The following GRB2 variants were observed in gnomAD, a reference collection of about 807,000 sequenced individuals.
GRB2 encodes growth factor receptor-bound protein 2.
Under a neutral mutation model 27.4 loss-of-function variants are expected in GRB2, and 2 were observed. The ratio of observed to expected loss-of-function variants is 0.07; its 90% CI spans 0.03 to 0.23. The LOEUF (loss-of-function observed/expected upper bound fraction) is 0.23, where lower values mean the gene tolerates loss of function less well. Ranked by LOEUF, GRB2 falls within the 10% of genes least tolerant of loss-of-function variation. The pLI is 1.00. For synonymous variants in GRB2, 94 were observed against 99.6 expected, an observed-to-expected ratio of 0.94 and a Z score of 0.33; for missense variants, 102 against 282.4, an observed-to-expected ratio of 0.36 and a Z score of 4.58.
At chr17:75,349,077 G>A (rs951552173) in intron 2 of GRB2, among the ~76,000 whole-genome samples, 4 of 152,140 alleles carry the variant, frequency 2.6e-5, no homozygotes, top group Non-Finnish European at 4.4e-5. Context: ...CTAGGAATAG[G>A]GCAAGAACCT....
intron 2 of GRB2, among the ~76,000 whole-genome samples, chr17:75,392,997 T>G (rs952704919): frequency 6.6e-6 from 1 of 152,230 alleles, no homozygotes. Context: ...TTGCACCTTA[T>G]TATTTAGAAC....
intron 1 of GRB2, among the ~76,000 whole-genome samples, chr17:75,396,223 G>C (rs2079028413): frequency 6.6e-6 from 1 of 151,778 alleles, no homozygotes; most frequent in Non-Finnish European, 1.5e-5. Context: ...CTAGTTCCCT[G>C]TGTATCTACT....
chr17:75,328,013 T>C (rs146989040), intron 3 of GRB2, among the ~76,000 whole-genome samples: 2 of 152,270 alleles, frequency 1.3e-5, no homozygotes, highest in African/African-American at 4.8e-5. Flanking sequence ...ATCACTAGAA[T>C]AGAATGCTCT....
At chr17:75,388,556 T>G (rs2078979085) in intron 2 of GRB2, among the ~76,000 whole-genome samples, 1 of 139,070 alleles carries the variant, frequency 7.2e-6, no homozygotes, top group Admixed American at 7.4e-5. Flanking sequence ...TTCTACAGAG[T>G]ATACTGATAC....
chr17:75,320,308 T>TTA lies in GRB2; in HGVS notation c.*58_*59dup. 6.9e-7 allele frequency: 1 copy of TTA among 1,450,174 alleles called. No homozygotes were observed. The highest frequency in any genetic ancestry group is 2.3e-5 in the East Asian group (1 of 43,962). The allele number at this position is 1,450,174 out of a possible 1,614,324, so 89.8% of individuals were successfully genotyped here. ...CTGCTGTCAGAGGCAGCTTGTGGGT[T>TTA]TAATTCTTTTGTATGTGTTTTACAT... On this transcript the variant is annotated 3_prime_UTR_variant, in exon 6 of 6. Coordinates refer to ENST00000316804, the MANE Select transcript of GRB2 (RefSeq NM_002086.5). The surrounding 1 kb of genome is among the most constrained non-coding windows in gnomAD (Gnocchi z 4.3).
chr17:75,367,254 G>A (rs144151226), intron 2 of GRB2, among the ~76,000 whole-genome samples: 127 of 152,016 alleles, frequency 8.4e-4, no homozygotes, highest in African/African-American at 3.0e-3. Flanking sequence ...CACTGCAGCC[G>A]CGACCTCCCA....
intron 4 of GRB2, among the ~76,000 whole-genome samples, chr17:75,324,535 T>TTTTTTTTTTG (rs1491359485): frequency 1.2e-5 from 1 of 86,198 alleles, no homozygotes; most frequent in African/African-American, 3.8e-5. Flanking sequence ...TTTTTTTTTT[T>TTTTTTTTTTG]GGAGACAGAG....
chr17:75,345,080 GT>G (rs559926973), intron 2 of GRB2, among the ~76,000 whole-genome samples: 352 of 151,826 alleles, frequency 2.3e-3, no homozygotes, highest in Middle Eastern at 6.8e-3. Context: ...GTCTTGCTCT[GT>G]CCCCCAGGCT....
At chr17:75,386,210 C>T (rs1317020892) in intron 2 of GRB2, among the ~76,000 whole-genome samples, 1 of 152,036 alleles carries the variant, frequency 6.6e-6, no homozygotes, top group Non-Finnish European at 1.5e-5. Context: ...CCTCTGCCTC[C>T]CGAGTTCAAG....
At chr17:75,353,949 A>C (rs1309064768) in intron 2 of GRB2, among the ~76,000 whole-genome samples, 3 of 151,250 alleles carry the variant, frequency 2.0e-5, no homozygotes, top group East Asian at 4.0e-4. Context: ...CTGAGGCAGG[A>C]GAATTGCTTG....
chr17:75,341,583 GA>G (rs899631010), intron 2 of GRB2, among the ~76,000 whole-genome samples: 1 of 151,008 alleles, frequency 6.6e-6, no homozygotes, highest in Admixed American at 6.6e-5. Flanking sequence ...AGGAAAAGAA[GA>G]AAAAAAAGGG....
At chr17:75,368,163 C>T (rs1009761462) in intron 2 of GRB2, among the ~76,000 whole-genome samples, 9 of 151,748 alleles carry the variant, frequency 5.9e-5, no homozygotes, top group African/African-American at 2.2e-4. Context: ...GATCCACTCG[C>T]CTTGGCCTCC....
intron 2 of GRB2, among the ~76,000 whole-genome samples, chr17:75,346,512 G>A (rs1019464968): frequency 7.4e-5 from 11 of 149,254 alleles, no homozygotes; most frequent in African/African-American, 2.7e-4. Context: ...ACAAAGACAG[G>A]TATCAATCTT....
At chr17:75,375,951 G>A (rs186699735) in intron 2 of GRB2, among the ~76,000 whole-genome samples, 1 of 150,810 alleles carries the variant, frequency 6.6e-6, no homozygotes, top group East Asian at 2.0e-4. Flanking sequence ...CGTGAACCCA[G>A]GAGGCAGAGG....
intron 1 of GRB2, among the ~76,000 whole-genome samples, chr17:75,401,235 G>A (rs1353094080): frequency 5.9e-5 from 9 of 151,778 alleles, no homozygotes; most frequent in Non-Finnish European, 1.2e-4. Flanking sequence ...CACGAGGTCA[G>A]GAGATCGAGA....
intron 1 of GRB2, among the ~76,000 whole-genome samples, chr17:75,399,295 C>T (rs569266060): frequency 6.6e-6 from 1 of 152,162 alleles, no homozygotes; most frequent in Admixed American, 6.5e-5. Context: ...TCACGTGATC[C>T]TCCCCATCTC....
At chr17:75,353,709 G>A (rs972342724) in intron 2 of GRB2, among the ~76,000 whole-genome samples, 33 of 151,596 alleles carry the variant, frequency 2.2e-4, no homozygotes, top group African/African-American at 5.6e-4. Context: ...GCAGTGAGCC[G>A]AGACTGCGCC....
intron 2 of GRB2, among the ~76,000 whole-genome samples, chr17:75,389,867 A>C (rs1336271857): frequency 6.6e-6 from 1 of 152,106 alleles, no homozygotes; most frequent in Non-Finnish European, 1.5e-5. Context: ...AAATAAATAA[A>C]AATAAATTTT....
At chr17:75,374,538 T>C (rs2078879106) in intron 2 of GRB2, among the ~76,000 whole-genome samples, 1 of 151,912 alleles carries the variant, frequency 6.6e-6, no homozygotes, top group East Asian at 1.9e-4. Context: ...GAGATTAGCC[T>C]GGCAACATGG....
Sources: gnomAD v4.1 joint callset for allele counts (sites outside exome capture counted in the v4.1 genomes callset) on GRCh38, gnomAD v4.1.1 for gene constraint, Gnocchi (gnomAD v3.1) non-coding constraint, MANE v1.5 for transcripts, NCBI Gene and HGNC (gene_info 2026-07-23, HGNC 2026-07-21) for gene names.